ZDHHC15: variants seen among roughly 807,000 people sequenced by gnomAD.
The protein encoded by ZDHHC15 is zDHHC palmitoyltransferase 15, also known as palmitoyltransferase ZDHHC15.
Under a neutral mutation model 31.7 loss-of-function variants are expected in ZDHHC15, and 19 were observed. That is an observed-to-expected ratio of 0.60 (90% confidence interval 0.42 to 0.88). ZDHHC15 has a LOEUF of 0.88. Ranked by LOEUF, ZDHHC15 falls within the 40% of genes least tolerant of loss-of-function variation. The pLI is 0.00. For synonymous variants in ZDHHC15, 103 were observed against 90.0 expected (o/e 1.14, Z -0.82); for missense variants, 209 against 251.2 (o/e 0.83, Z 1.14).
At chrX:75,408,974 T>C (rs1225383850) in intron 10 of ZDHHC15, among the ~76,000 whole-genome samples, 2 of 112,373 alleles carry the variant, frequency 1.8e-5, no homozygotes, top group Non-Finnish European at 3.8e-5. Flanking sequence ...AAATATTTCA[T>C]GTGCATGGAT....
At chrX:75,392,175 C>G (rs1010649798) in intron 10 of ZDHHC15, among the ~76,000 whole-genome samples, 4 of 112,196 alleles carry the variant, frequency 3.6e-5, no homozygotes, top group Admixed American at 9.5e-5. Context: ...AATAGGCTGT[C>G]TGCAGGCTGA....
chrX:75,418,605 T>C lies in ZDHHC15; in HGVS notation c.864-1415A>G, dbSNP rs769576287. Among the ~76,000 whole-genome samples, 13 of 112,043 alleles carry C rather than the reference T, an allele frequency of 1.2e-4. No homozygotes were observed. The East Asian group carries it at 2.8e-3, about 24-fold the overall frequency. ...AGTAACAAAAATAGCATGGTACTGA[T>C]ATGAAGACAGATATATAGGCCAATG... On this transcript the variant is annotated intron_variant, in intron 9 of 11. Transcript: ENST00000373367.
At chrX:75,437,897 T>A (rs1180917312) in intron 4 of ZDHHC15, among the ~76,000 whole-genome samples, 3 of 110,568 alleles carry the variant, frequency 2.7e-5, no homozygotes, top group Non-Finnish European at 5.7e-5. Flanking sequence ...AGGGCTAATA[T>A]CCAGAATCTA....
chrX:75,496,138 C>T (rs2084994330), intron 2 of ZDHHC15, among the ~76,000 whole-genome samples: 1 of 110,283 alleles, frequency 9.1e-6, no homozygotes, highest in Non-Finnish European at 1.9e-5. Flanking sequence ...CTCACATAAA[C>T]TTAAGGTAAA....
chrX:75,496,260 A>T (rs1161695185), intron 2 of ZDHHC15, among the ~76,000 whole-genome samples: 1 of 111,876 alleles, frequency 8.9e-6, no homozygotes, highest in Non-Finnish European at 1.9e-5. Flanking sequence ...AGACAAAGAG[A>T]GACATTATAT....
intron 2 of ZDHHC15, among the ~76,000 whole-genome samples, chrX:75,491,940 A>G (rs1602723448): frequency 8.9e-6 from 1 of 111,766 alleles, no homozygotes; most frequent in Non-Finnish European, 1.9e-5. Flanking sequence ...CACACATAAC[A>G]ATATTAACCT....
Position 75,491,240 on chromosome X carries a change from T to G in ZDHHC15, c.164-12255A>C, listed in dbSNP as rs1342890665. Among the ~76,000 whole-genome samples the G allele has an allele frequency of 3.6e-5, 4 of 110,432 alleles. No individual in the cohort carries two copies. In the East Asian group the frequency reaches 1.1e-3, roughly 32 times the overall value. On this transcript the variant is annotated intron_variant, in intron 2 of 11. Transcript: ENST00000373367. Reference sequence around the variant, plus strand: ...TGGAACCAACCCAAATGTCCAACAATGATAGACTGGATTAAGAAAATGTGG... The same window carrying G: ...TGGAACCAACCCAAATGTCCAACAAGGATAGACTGGATTAAGAAAATGTGG...
chrX:75,449,197 TCTATACACACACACACACAC>T (rs1243299933), intron 4 of ZDHHC15, among the ~76,000 whole-genome samples: 5 of 36,053 alleles, frequency 1.4e-4, no homozygotes, highest in Non-Finnish European at 3.9e-4. Flanking sequence ...TCTCTCTCTC[TCTATACACACACACACACAC>T]ACACACACAC....
intron 1 of ZDHHC15, among the ~76,000 whole-genome samples, chrX:75,517,189 A>G (rs2148074605): frequency 8.9e-6 from 1 of 111,932 alleles, no homozygotes; most frequent in South Asian, 3.8e-4. Context: ...TGATTCCTCA[A>G]GGATCTAGAA....
chrX:75,444,214 A>C (rs1345444929), intron 4 of ZDHHC15, among the ~76,000 whole-genome samples: 4 of 110,637 alleles, frequency 3.6e-5, no homozygotes, highest in Non-Finnish European at 7.6e-5. Flanking sequence ...ACTTGGAACT[A>C]ACCCAAATGT....
intron 2 of ZDHHC15, among the ~76,000 whole-genome samples, chrX:75,488,044 T>A (rs1005640954): frequency 5.4e-5 from 6 of 111,979 alleles, no homozygotes; most frequent in Non-Finnish European, 1.9e-5. Context: ...TGTCCAAACA[T>A]AAGAATAACT....
intron 4 of ZDHHC15, among the ~76,000 whole-genome samples, chrX:75,449,637 T>C (rs770775945): frequency 9.8e-5 from 11 of 112,284 alleles, no homozygotes; most frequent in Non-Finnish European, 1.9e-4. Flanking sequence ...GTCCTTAATA[T>C]CATATAATAC....
intron 7 of ZDHHC15, among the ~76,000 whole-genome samples, chrX:75,425,261 T>C (rs1166557348): frequency 9.0e-6 from 1 of 111,420 alleles, no homozygotes; most frequent in Non-Finnish European, 1.9e-5. Context: ...AGGTAGAATT[T>C]TAAAATGTCC....
chrX:75,429,676 T>G lies in ZDHHC15; in HGVS notation c.482+272A>C, dbSNP rs142589282. Among the ~76,000 whole-genome samples, 439 of 111,681 alleles carry G rather than the reference T, an allele frequency of 3.9e-3. 5 individuals carry two copies. Among genetic ancestry groups the G allele is most frequent in the African/African-American group, 0.013 (412 of 30,823 alleles). ...AATTGTGTAATGTTAAAAGGAGAAATGTTTGTGCTGTATTTCATTACTATG... is the reference window on the plus strand; with the variant it reads ...AATTGTGTAATGTTAAAAGGAGAAAGGTTTGTGCTGTATTTCATTACTATG... On this transcript the variant is annotated intron_variant, in intron 6 of 11. Transcript: ENST00000373367.
chrX:75,497,605 TA>T (rs1203207437), intron 2 of ZDHHC15, among the ~76,000 whole-genome samples: 1 of 111,434 alleles, frequency 9.0e-6, no homozygotes, highest in African/African-American at 3.3e-5. Flanking sequence ...CCGAATCCAA[TA>T]GCATATCAAA....
At chrX:75,460,874 T>C (rs2084302696) in intron 3 of ZDHHC15, among the ~76,000 whole-genome samples, 1 of 111,715 alleles carries the variant, frequency 9.0e-6, no homozygotes, top group Non-Finnish European at 1.9e-5. Flanking sequence ...CGCCAGAGTG[T>C]CTCTATTCCT....
At chrX:75,404,598 A>C (rs771489681) in intron 10 of ZDHHC15, among the ~76,000 whole-genome samples, 7 of 112,345 alleles carry the variant, frequency 6.2e-5, no homozygotes, top group Non-Finnish European at 9.4e-5. Flanking sequence ...AAAAGAAGAC[A>C]TACATGCAGC....
At chrX:75,426,637 T>C (rs1399068449) in intron 7 of ZDHHC15, among the ~76,000 whole-genome samples, 1 of 111,390 alleles carries the variant, frequency 9.0e-6, no homozygotes, top group Non-Finnish European at 1.9e-5. Flanking sequence ...ATGTGAGGGA[T>C]GTATTACTAT....
At chrX:75,499,815 T>C (rs1448689740) in intron 2 of ZDHHC15, among the ~76,000 whole-genome samples, 3 of 111,611 alleles carry the variant, frequency 2.7e-5, no homozygotes, top group Non-Finnish European at 5.7e-5. Flanking sequence ...TAAGTCATTA[T>C]AAGAAAAATA....
Sources: gnomAD v4.1 joint callset for allele counts (sites outside exome capture counted in the v4.1 genomes callset) on GRCh38, gnomAD v4.1.1 for gene constraint, MANE v1.5 for transcripts, NCBI Gene and HGNC (gene_info 2026-07-23, HGNC 2026-07-21) for gene names.